Variants in MYLK observed in about 807,000 individuals in gnomAD.
MYLK encodes the protein myosin light chain kinase, smooth muscle.
In MYLK, 106 loss-of-function variants were observed where a neutral mutation model predicts 203.4. That is an observed-to-expected ratio of 0.52 (90% CI 0.45 to 0.61). MYLK has a LOEUF of 0.61. Ranked by LOEUF, MYLK falls within the 20% of genes least tolerant of loss-of-function variation. The probability of loss-of-function intolerance (pLI) is 0.00; values close to 1 mark genes in which losing one functional copy is unlikely to be tolerated. For missense variants in MYLK, 2,072 were observed against 2,442.3 expected (o/e 0.85, Z 3.20); for synonymous variants, 867 against 959.5 (o/e 0.90, Z 1.78).
rs116382401 is a variant in MYLK at position 123,790,351 on chromosome 3, C to G, written c.165+3326G>C. ...CCCTTAGCTGCAACGGAAGCCTCTA[C>G]AGTGGACCCCATCATGGAACAGGGC... On this transcript the variant is annotated intron_variant, in intron 4 of 33. Coordinates refer to ENST00000360304, the MANE Select transcript of MYLK (RefSeq NM_053025.4). Among the ~76,000 whole-genome samples the G allele has an allele frequency of 6.4e-3, 975 of 152,308 alleles. 10 individuals are homozygous for G. Among genetic ancestry groups the G allele is most frequent in the African/African-American group, 0.022 (925 of 41,572 alleles).
intron 33 of MYLK, 136 bp downstream of exon 33, chr3:123,618,503 A>G (rs1259962381): frequency 8.2e-7 from 1 of 1,219,428 alleles, no homozygotes; most frequent in Non-Finnish European, 1.2e-6. Context: ...CTGCTGACCC[A>G]GTTTCCCCCA....
intron 30 of MYLK, among the ~76,000 whole-genome samples, chr3:123,627,249 G>A (rs1355863891): frequency 6.6e-6 from 1 of 152,138 alleles, no homozygotes. Context: ...GACGTTTCTG[G>A]GATTGGCTGG....
intron 4 of MYLK, among the ~76,000 whole-genome samples, chr3:123,786,462 T>G (rs916838727): frequency 4.5e-5 from 6 of 134,478 alleles, no homozygotes; most frequent in Admixed American, 8.6e-5. Context: ...CCGAAAGACA[T>G]TCAGTAAAAA....
At chr3:123,768,480 C>T (rs975250342) in intron 4 of MYLK, among the ~76,000 whole-genome samples, 1 of 152,196 alleles carries the variant, frequency 6.6e-6, no homozygotes, top group Non-Finnish European at 1.5e-5. Context: ...CCCACCCAGC[C>T]CCTCTCTAAG....
intron 2 of MYLK, among the ~76,000 whole-genome samples, chr3:123,836,989 C>T (rs1051268671): frequency 6.6e-5 from 10 of 152,162 alleles, no homozygotes; most frequent in South Asian, 2.1e-4. Context: ...GTATGTAACA[C>T]GGGACAAAAT....
At position 123,614,015 on chromosome 3, in the gene MYLK, T is replaced by G; in HGVS notation, c.*90A>C. ...CCGATAATCTATCACACTAGGTGCT[T>G]TTACTATCTTGAGTTTTTTTTTTTT... is the stretch of plus-strand genomic sequence containing the variant. On this transcript the variant is annotated 3_prime_UTR_variant, in exon 34 of 34. Transcript: ENST00000360304. 6.6e-7 allele frequency: 1 copy of G among 1,510,142 alleles called. No homozygotes were observed. Among genetic ancestry groups the G allele is most frequent in the Non-Finnish European group, 9.0e-7 (1 of 1,106,974 alleles). The allele number at this position is 1,510,142 out of a possible 1,614,324, so 93.5% of individuals were successfully genotyped here. A position where few individuals can be genotyped will look rare whatever the true frequency, so the allele number is the denominator to read the frequency against.
intron 4 of MYLK, among the ~76,000 whole-genome samples, chr3:123,763,768 A>C (rs1173886889): frequency 2.0e-5 from 3 of 152,210 alleles, no homozygotes; most frequent in Non-Finnish European, 4.4e-5. Context: ...CTAGAATTTC[A>C]TGATGACCTG....
intron 11 of MYLK, among the ~76,000 whole-genome samples, chr3:123,730,369 C>A (rs1309832094): frequency 1.3e-5 from 2 of 152,144 alleles, no homozygotes; most frequent in Non-Finnish European, 2.9e-5. Flanking sequence ...AGGGTTAAAT[C>A]CAGAATTACC....
Position 123,682,222 on chromosome 3 carries a change from A to G in MYLK, c.3652+2T>C. 1 of 1,596,168 alleles carries G rather than the reference A, an allele frequency of 6.3e-7. No homozygotes were observed. The highest frequency in any genetic ancestry group is 8.5e-7 in the Non-Finnish European group (1 of 1,171,248). On this transcript the variant is annotated splice_donor_variant, in intron 20 of 33. Coordinates refer to ENST00000360304, the MANE Select transcript of MYLK (RefSeq NM_053025.4). LOFTEE classifies it high-confidence loss of function. ...GCCTGGTGAAGCTGGGCGAGTACTC[A>G]CTCTCAGTTCCTAGCACGGGAGGAA... is the stretch of plus-strand genomic sequence containing the variant.
chr3:123,684,178 G>T (rs916242524), intron 19 of MYLK, among the ~76,000 whole-genome samples: 1 of 152,206 alleles, frequency 6.6e-6, no homozygotes, highest in Non-Finnish European at 1.5e-5. Flanking sequence ...TCAGCTGTAT[G>T]TTAGAAGCAC....
intron 4 of MYLK, among the ~76,000 whole-genome samples, chr3:123,767,432 C>T (rs564391930): frequency 2.0e-5 from 3 of 152,296 alleles, no homozygotes; most frequent in Non-Finnish European, 4.4e-5. Flanking sequence ...AATGAAGAAA[C>T]CCCGCCTGTA....
At chr3:123,829,807 A>G (rs1163938394) in intron 3 of MYLK, among the ~76,000 whole-genome samples, 5 of 152,156 alleles carry the variant, frequency 3.3e-5, no homozygotes, top group Admixed American at 3.3e-4. Context: ...TGAGTGTCCC[A>G]TTGGCTCAGA....
At chr3:123,706,412 G>C (rs1423193627) in intron 16 of MYLK, among the ~76,000 whole-genome samples, 3 of 152,152 alleles carry the variant, frequency 2.0e-5, no homozygotes, top group Admixed American at 6.5e-5. Context: ...GATGGGCTCA[G>C]CATGGGGAGA....
chr3:123,692,087 C>T (rs2060695406), intron 19 of MYLK, among the ~76,000 whole-genome samples: 1 of 152,230 alleles, frequency 6.6e-6, no homozygotes, highest in Admixed American at 6.5e-5. Flanking sequence ...TCCTGCATTT[C>T]CTTAGGACAA....
intron 4 of MYLK, among the ~76,000 whole-genome samples, chr3:123,770,162 A>C (rs1381569013): frequency 6.6e-6 from 1 of 151,696 alleles, no homozygotes; most frequent in Non-Finnish European, 1.5e-5. Flanking sequence ...AATACAAAAA[A>C]AAAAAAAAAA....
chr3:123,808,907 G>A (rs2065460915), intron 3 of MYLK, among the ~76,000 whole-genome samples: 1 of 152,176 alleles, frequency 6.6e-6, no homozygotes, highest in South Asian at 2.1e-4. Flanking sequence ...ATAAGTAACG[G>A]CTACTTATTA....
chr3:123,746,574 G>C (rs2063023875), intron 5 of MYLK, among the ~76,000 whole-genome samples: 1 of 152,212 alleles, frequency 6.6e-6, no homozygotes, highest in South Asian at 2.1e-4. Flanking sequence ...AGGAAATTTG[G>C]AAGTCATCCT....
In MYLK at chr3:123,726,084, A is replaced by T; in HGVS notation, c.1517-6T>A. On this transcript the variant is annotated splice_polypyrimidine_tract_variant and splice_region_variant and intron_variant, in intron 11 of 33. Coordinates refer to ENST00000360304, the MANE Select transcript of MYLK (RefSeq NM_053025.4). Reference sequence around the variant, plus strand: ...CACCTCCATCACGGCAAGCCCTGTGAGGGAAAAGGACAGGTCAGCTCAGAT... The same window carrying T: ...CACCTCCATCACGGCAAGCCCTGTGTGGGAAAAGGACAGGTCAGCTCAGAT... 1 of 1,614,110 alleles carries T rather than the reference A, an allele frequency of 6.2e-7. No individual in the cohort carries two copies.
At chr3:123,618,482 A>C in intron 33 of MYLK, 157 bp downstream of exon 33, 1 of 927,450 alleles carries the variant, frequency 1.1e-6, no homozygotes, top group Non-Finnish European at 1.7e-6. Context: ...ATAGCCCTTT[A>C]TGAGCAGCTC....
Sources: allele counts gnomAD v4.1 joint callset (sites outside exome capture counted in the v4.1 genomes callset), GRCh38; gene constraint gnomAD v4.1.1; transcripts MANE v1.5; gene names NCBI Gene and HGNC (gene_info 2026-07-23, HGNC 2026-07-21).